The following SORBS2 variants were observed in gnomAD, a reference collection of about 807,000 sequenced individuals.
SORBS2 encodes the protein sorbin and SH3 domain-containing protein 2.
Under a neutral mutation model 97.7 loss-of-function variants are expected in SORBS2, and 46 were observed. The ratio of observed to expected loss-of-function variants is 0.47; its 90% CI spans 0.37 to 0.60. SORBS2 has a LOEUF of 0.60. Ranked by LOEUF, SORBS2 falls within the 20% of genes least tolerant of loss-of-function variation. The pLI, the probability that SORBS2 is intolerant of heterozygous loss-of-function variation, is 0.00. For missense variants in SORBS2, 1,316 were observed against 1,282.3 expected, an observed-to-expected ratio of 1.03 and a Z score of -0.40; for synonymous variants, 476 against 473.4, an observed-to-expected ratio of 1.01 and a Z score of -0.07.
chr4:185,898,866 CT>C (rs1282793681), intron 1 of SORBS2, among the ~76,000 whole-genome samples: 2 of 152,292 alleles, frequency 1.3e-5, no homozygotes, highest in East Asian at 3.9e-4. Flanking sequence ...GGCGATTATG[CT>C]AGTATAACCC....
intron 1 of SORBS2, among the ~76,000 whole-genome samples, chr4:185,952,340 A>G (rs552511572): frequency 1.3e-4 from 20 of 152,246 alleles, no homozygotes; most frequent in African/African-American, 4.8e-4. Context: ...ATAGCTTTTT[A>G]TAGTGGCCCT....
intron 1 of SORBS2, among the ~76,000 whole-genome samples, chr4:185,944,548 C>A (rs1425536048): frequency 1.3e-5 from 2 of 151,638 alleles, no homozygotes; most frequent in African/African-American, 4.9e-5. Context: ...ATCACACAGC[C>A]CTTTTGATGC....
intron 1 of SORBS2, among the ~76,000 whole-genome samples, chr4:185,874,440 ACCTGGAACAGG>A (rs559567786): frequency 4.5e-4 from 68 of 152,280 alleles, no homozygotes; most frequent in African/African-American, 1.5e-3. Flanking sequence ...CTTGTTCAGC[ACCTGGAACAGG>A]CCTGGTTCAA....
chr4:185,609,322 G>A (rs1580866334), intron 12 of SORBS2, among the ~76,000 whole-genome samples: 1 of 152,272 alleles, frequency 6.6e-6, no homozygotes, highest in East Asian at 1.9e-4. Flanking sequence ...AATAATTTCA[G>A]ACCATCAGGT....
rs181450515 is a variant in SORBS2, at chr4:185,668,150, C to T, written c.-45-5908G>A. Among the ~76,000 whole-genome samples, 153 of 152,172 alleles carry T rather than the reference C, an allele frequency of 1.0e-3. No homozygotes were observed. In the Middle Eastern group the frequency reaches 0.01, roughly 10 times the overall value. ...AAGAAAAAAATCTAATGACTTTAACCCCCATTGGACTGACTTGTCCATATC... is the reference window on the plus strand; with the variant it reads ...AAGAAAAAAATCTAATGACTTTAACTCCCATTGGACTGACTTGTCCATATC... On this transcript the variant is annotated intron_variant, in intron 4 of 20. Coordinates refer to the SORBS2 transcript ENST00000284776.
chr4:185,597,483 A>G (rs952090964), intron 12 of SORBS2, among the ~76,000 whole-genome samples: 4 of 152,230 alleles, frequency 2.6e-5, no homozygotes, highest in Admixed American at 6.5e-5. Context: ...CCAAAACCCA[A>G]AGATACTGGA....
In SORBS2 at chr4:185,927,449, CCT is replaced by C. The variant is rs1234060049; in HGVS notation, c.-338+28745_-338+28746del. Among the ~76,000 whole-genome samples the C allele has an allele frequency of 7.9e-5, 12 of 151,776 alleles. No homozygotes were observed. The East Asian group carries it at 1.8e-3, about 22-fold the overall frequency. ...CTCTCCCTCCCCTTGCCCCCCACCC[CCT>C]GACAGGCCCCTGTGTGATATTCCAC... On this transcript the variant is annotated intron_variant, in intron 1 of 20. Coordinates refer to the SORBS2 transcript ENST00000284776.
intron 1 of SORBS2, among the ~76,000 whole-genome samples, chr4:185,796,576 C>A (rs1221523439): frequency 4.7e-5 from 4 of 85,606 alleles, no homozygotes; most frequent in South Asian, 6.7e-4. Flanking sequence ...CCACGCTGTT[C>A]CCTGGTCACG....
At chr4:185,692,084 T>C (rs1183363383) in intron 2 of SORBS2, among the ~76,000 whole-genome samples, 6 of 152,248 alleles carry the variant, frequency 3.9e-5, no homozygotes, top group Non-Finnish European at 5.9e-5. Flanking sequence ...CATATTCTCT[T>C]AGCCCATTTA....
At chr4:185,840,984 A>C (rs566171407) in intron 1 of SORBS2, among the ~76,000 whole-genome samples, 1 of 152,154 alleles carries the variant, frequency 6.6e-6, no homozygotes, top group Non-Finnish European at 1.5e-5. Context: ...GGCAGGTAGC[A>C]CCTGAGCCAT....
intron 2 of SORBS2, among the ~76,000 whole-genome samples, chr4:185,698,149 T>C (rs967543855): frequency 6.6e-6 from 1 of 152,154 alleles, no homozygotes; most frequent in African/African-American, 2.4e-5. Flanking sequence ...ATAATAGGCA[T>C]CCTCCTTTAA....
Position 185,649,394 on chromosome 4 carries a change from T to G in SORBS2, c.281+73A>C, listed in dbSNP as rs1397947287. ...CTCTCTGTGGCAGGTGCACTGATTC[T>G]TCTACTGAATGCCATGTAGACTTAT... On this transcript the variant is annotated intron_variant, in intron 3 of 14. Coordinates refer to ENST00000418609, the Ensembl canonical transcript of SORBS2. The G allele has an allele frequency of 4.8e-6, 6 of 1,260,170 alleles. No individual in the cohort carries two copies. In the African/African-American group the frequency reaches 9.3e-5, roughly 19 times the overall value. The allele number at this position is 1,260,170 out of a possible 1,614,324, so 78.1% of individuals were successfully genotyped here.
At chr4:185,662,935 A>G (rs1289590083) in intron 4 of SORBS2, among the ~76,000 whole-genome samples, 8 of 152,142 alleles carry the variant, frequency 5.3e-5, no homozygotes, top group African/African-American at 1.7e-4. Flanking sequence ...TATATCCCCA[A>G]TGGTATCTCA....
chr4:185,629,093 G>T (rs899221765), intron 5 of SORBS2, among the ~76,000 whole-genome samples: 3 of 152,182 alleles, frequency 2.0e-5, no homozygotes, highest in South Asian at 2.1e-4. Flanking sequence ...AACCGATGAG[G>T]TATATGCTGT....
chr4:185,604,957 C>T (rs538148171), intron 12 of SORBS2, among the ~76,000 whole-genome samples: 8 of 152,240 alleles, frequency 5.3e-5, no homozygotes, highest in East Asian at 3.9e-4. Flanking sequence ...TGGGATGAGC[C>T]GGCCTAGGGT....
intron 1 of SORBS2, among the ~76,000 whole-genome samples, chr4:185,940,925 T>C (rs2099271660): frequency 6.6e-6 from 1 of 152,140 alleles, no homozygotes; most frequent in Non-Finnish European, 1.5e-5. Context: ...TAGCAATGGA[T>C]AGAGACATTT....
intron 1 of SORBS2, among the ~76,000 whole-genome samples, chr4:185,783,450 G>A (rs1362074104): frequency 6.6e-6 from 1 of 152,174 alleles, no homozygotes; most frequent in Non-Finnish European, 1.5e-5. Context: ...ACCTCTGGCT[G>A]TTAGCAACCT....
chr4:185,829,363 G>T (rs1295703159), intron 1 of SORBS2, among the ~76,000 whole-genome samples: 2 of 152,108 alleles, frequency 1.3e-5, no homozygotes, highest in African/African-American at 4.8e-5. Context: ...GTATCTATGA[G>T]ATCTGTGTGA....
At chr4:185,757,140 G>T in intron 2 of SORBS2, 1 of 431,344 alleles carries the variant, frequency 2.3e-6, no homozygotes, top group Non-Finnish European at 4.3e-6. Flanking sequence ...AGGGGTTCCT[G>T]GTCCAGCAGA....
Sources: gnomAD v4.1 joint callset for allele counts (sites outside exome capture counted in the v4.1 genomes callset) on GRCh38, gnomAD v4.1.1 for gene constraint, MANE v1.5 for transcripts, NCBI Gene and HGNC (gene_info 2026-07-23, HGNC 2026-07-21) for gene names.